Variants in ERICH2 observed in about 807,000 individuals in gnomAD.
ERICH2 encodes glutamate rich 2, also known as glutamate-rich protein 2.
A neutral mutation model predicts 17.4 loss-of-function variants in ERICH2; 17 were observed. The ratio of observed to expected loss-of-function variants is 0.98; its 90% CI spans 0.67 to 1.47. The LOEUF (loss-of-function observed/expected upper bound fraction) is 1.47, where lower values mean the gene tolerates loss of function less well. Ranked by LOEUF, ERICH2 falls within the 40% of genes most tolerant of loss-of-function variation. The pLI, the probability that ERICH2 is intolerant of heterozygous loss-of-function variation, is 0.00. For synonymous variants in ERICH2, 51 were observed against 61.1 expected (o/e 0.83, Z 0.77); for missense variants, 186 against 183.2 (o/e 1.01, Z -0.09).
At chr2:170,797,125 G>A (rs1351420621) in intron 3 of ERICH2, among the ~76,000 whole-genome samples, 4 of 152,166 alleles carry the variant, frequency 2.6e-5, no homozygotes, top group Non-Finnish European at 5.9e-5. Context: ...TGTTAAGCAG[G>A]CAATGACCAA....
At chr2:170,777,282 TA>T in the ERICH2 span, 6 of 274,130 alleles carry the variant, frequency 2.2e-5, no homozygotes, top group African/African-American at 1.4e-4. Context: ...TTATTCTAGC[TA>T]GTAGAAATGT....
At chr2:170,784,879 A>C in intron 2 of ERICH2, 46 bp downstream of exon 7, 2 of 1,333,524 alleles carry the variant, frequency 1.5e-6, no homozygotes, top group Non-Finnish European at 2.0e-6. Flanking sequence ...TAAAATATTG[A>C]AATAACTAAA....
chr2:170,792,099 AATTG>A (rs1701304146), intron 2 of ERICH2, among the ~76,000 whole-genome samples: 1 of 152,224 alleles, frequency 6.6e-6, no homozygotes, highest in Admixed American at 6.5e-5. Flanking sequence ...TAGTTTAGTA[AATTG>A]TAGCCTAAGT....
At chr2:170,792,478 G>C (rs1701312044) in intron 2 of ERICH2, among the ~76,000 whole-genome samples, 2 of 152,230 alleles carry the variant, frequency 1.3e-5, no homozygotes, top group Admixed American at 1.3e-4. Flanking sequence ...TTGTAAATCT[G>C]CATTTTTTTC....
At chr2:170,776,572 T>C in the ERICH2 span, among the ~76,000 whole-genome samples, 1 of 152,112 alleles carries the variant, frequency 6.6e-6, no homozygotes. Flanking sequence ...GAGACGGGGT[T>C]TCGCCATGTT....
rs1409520906 is a variant in ERICH2 at position 170,789,064 on chromosome 2, G to A, written c.217-3799G>A. On this transcript the variant is annotated intron_variant, in intron 2 of 4. Transcript: ENST00000409885. Reference sequence around the variant, plus strand: ...GCAGCCTCTGCCTCTGAGTTGAAGTGATTCTCGTGCCTCAGCCTCCTGAGT... The same window carrying A: ...GCAGCCTCTGCCTCTGAGTTGAAGTAATTCTCGTGCCTCAGCCTCCTGAGT... Among the ~76,000 whole-genome samples the A allele has an allele frequency of 2.6e-5, 4 of 151,586 alleles. No individual in the cohort carries two copies. In the East Asian group the frequency reaches 7.7e-4, roughly 29 times the overall value.
chr2:170,792,870 G>C, exon 3 of ERICH2: 1 of 1,513,494 alleles, frequency 6.6e-7, no homozygotes, highest in Non-Finnish European at 8.9e-7. Context: ...CAGTTTCTGA[G>C]AGCAGAAATG....
chr2:170,797,795 GAAAAAAAAAA>G (rs767126097), intron 3 of ERICH2, among the ~76,000 whole-genome samples: 6 of 141,808 alleles, frequency 4.2e-5, no homozygotes, highest in Non-Finnish European at 1.5e-5. Flanking sequence ...CTGTCTCAGG[GAAAAAAAAAA>G]AAAAAAAAAG....
At chr2:170,779,108 A>G (rs962559544), upstream of ERICH2, among the ~76,000 whole-genome samples, 2 of 152,214 alleles carry the variant, frequency 1.3e-5, no homozygotes, top group South Asian at 2.1e-4. Context: ...CACCTCAGGT[A>G]CTTCACCCAG....
chr2:170,793,673 T>C (rs1036249292), intron 3 of ERICH2, among the ~76,000 whole-genome samples: 3 of 152,224 alleles, frequency 2.0e-5, no homozygotes, highest in African/African-American at 7.2e-5. Context: ...AGAGGCGTCA[T>C]AGGCAAGGGG....
upstream of ERICH2, among the ~76,000 whole-genome samples, chr2:170,779,271 C>A (rs1700975024): frequency 1.3e-5 from 2 of 152,272 alleles, no homozygotes; most frequent in South Asian, 4.1e-4. Flanking sequence ...CACCCTGCTG[C>A]TGGCTTCATA....
At chr2:170,776,792 GGTTTGGGGGTAC>G in the ERICH2 span, among the ~76,000 whole-genome samples, 1 of 151,390 alleles carries the variant, frequency 6.6e-6, no homozygotes, top group Non-Finnish European at 1.5e-5. Flanking sequence ...TTTCATTTTA[GGTTTGGGGGTAC>G]GTGTGAAGGT....
In ERICH2 at chr2:170,794,105, C is replaced by CTTTT. The variant is rs59152667; in HGVS notation, c.274+1203_274+1206dup. Among the ~76,000 whole-genome samples, 168 of 88,134 alleles carry CTTTT rather than the reference C, an allele frequency of 1.9e-3. 1 individual carries two copies. The highest frequency in any genetic ancestry group is 3.7e-3 in the African/African-American group (85 of 23,230). The allele number at this position is 88,134 out of a possible 152,430, so 57.8% of individuals were successfully genotyped here. ...TTCCTTCCTTCTCTTTCCTTTCTTT[C>CTTTT]TTTTTTTTTTTTTTTTTTTTTGACA... On this transcript the variant is annotated intron_variant, in intron 3 of 4. Transcript: ENST00000409885.
At chr2:170,780,779 G>T (rs910447047), upstream of ERICH2, among the ~76,000 whole-genome samples, 1 of 152,088 alleles carries the variant, frequency 6.6e-6, no homozygotes, top group African/African-American at 2.4e-5. Flanking sequence ...TAGATTCAAT[G>T]AAATACTTTA....
intron 1 of ERICH2, 62 bp from the exon 7 acceptor site, chr2:170,784,584 G>A: frequency 9.5e-7 from 1 of 1,057,182 alleles, no homozygotes. Flanking sequence ...ATAGGATCTG[G>A]CAAAATTTAA....
At chr2:170,778,074 ACTC>A in the ERICH2 span, 2 of 161,606 alleles carry the variant, frequency 1.2e-5, no homozygotes, top group African/African-American at 4.8e-5. Context: ...AATTGTTACT[ACTC>A]AATAAAGAAA....
At chr2:170,781,368 G>GT (rs1160484388), upstream of ERICH2, among the ~76,000 whole-genome samples, 1 of 152,164 alleles carries the variant, frequency 6.6e-6, no homozygotes, top group African/African-American at 2.4e-5. Flanking sequence ...GGGCACAGTG[G>GT]TTCATGCCTG....
At chr2:170,796,436 T>TTTG (rs1559257218) in intron 3 of ERICH2, among the ~76,000 whole-genome samples, 3 of 27,118 alleles carry the variant, frequency 1.1e-4, no homozygotes, top group Non-Finnish European at 2.6e-4. Context: ...TTGTTTTTTT[T>TTTG]TTTGTTTTTT....
At chr2:170,796,428 G>GTT (rs869301301) in intron 3 of ERICH2, among the ~76,000 whole-genome samples, 64,068 of 114,552 alleles carry the variant, frequency 0.56, 15,835 homozygotes, top group South Asian at 0.63. Context: ...CTCTCTCTTT[G>GTT]TTTTTTTTTT....
Sources: gnomAD v4.1 joint callset for allele counts (sites outside exome capture counted in the v4.1 genomes callset) on GRCh38, gnomAD v4.1.1 for gene constraint, MANE v1.5 for transcripts, NCBI Gene and HGNC (gene_info 2026-07-23, HGNC 2026-07-21) for gene names.